CBFA2T3: variants seen among roughly 807,000 people sequenced by gnomAD.
CBFA2T3 encodes the protein CBFA2/RUNX1 partner transcriptional co-repressor 3.
In CBFA2T3, 31 loss-of-function variants were observed where a neutral mutation model predicts 58.6. The observed-to-expected ratio is 0.53, with a 90% CI of 0.40 to 0.71. CBFA2T3 has a LOEUF of 0.71. CBFA2T3 is among the 30% of genes least tolerant of loss of function. CBFA2T3 has a pLI of 0.00. For missense variants in CBFA2T3, 1,076 were observed against 963.1 expected, an observed-to-expected ratio of 1.12 and a Z score of -1.55; for synonymous variants, 531 against 421.9, an observed-to-expected ratio of 1.26 and a Z score of -3.17.
At chr16:88,949,804 A>G (rs1195829153) in intron 1 of CBFA2T3, among the ~76,000 whole-genome samples, 1 of 152,072 alleles carries the variant, frequency 6.6e-6, no homozygotes, top group African/African-American at 2.4e-5. Context: ...TAGGGTCAGG[A>G]GTTCAAGACC....
In CBFA2T3 at chr16:88,911,417, G is replaced by A. The variant is rs1970527030; in HGVS notation, c.152-9761C>T. On this transcript the variant is annotated intron_variant, in intron 1 of 11. Transcript: ENST00000268679. ...CTTGGGTAAGATGCAGTGCCTCTTTGGGTGGGGTCACAGCAAACAAAAAGG... is the reference window on the plus strand; with the variant it reads ...CTTGGGTAAGATGCAGTGCCTCTTTAGGTGGGGTCACAGCAAACAAAAAGG... Among the ~76,000 whole-genome samples the A allele has an allele frequency of 3.9e-5, 6 of 152,340 alleles. No individual in the cohort carries two copies. In the South Asian group the frequency reaches 1.2e-3, roughly 32 times the overall value.
intron 11 of CBFA2T3, among the ~76,000 whole-genome samples, chr16:88,878,655 C>T (rs1269952541): frequency 1.3e-5 from 2 of 152,198 alleles, no homozygotes; most frequent in African/African-American, 2.4e-5. Flanking sequence ...CTAGAGAACA[C>T]GGGTTTCAGG....
At chr16:88,932,926 G>A (rs973831975) in intron 1 of CBFA2T3, among the ~76,000 whole-genome samples, 1 of 150,502 alleles carries the variant, frequency 6.6e-6, no homozygotes, top group Non-Finnish European at 1.5e-5. Flanking sequence ...CTGAGATTGC[G>A]CCACTGCACT....
At position 88,941,167 on chromosome 16, in the gene CBFA2T3, C is replaced by G. The variant is rs1217630295; in HGVS notation, c.151+35490G>C. The G allele has an allele frequency of 5.1e-6, 5 of 982,330 alleles. No homozygotes were observed. In the East Asian group the frequency reaches 5.7e-4, roughly 113 times the overall value. The allele number at this position is 982,330 out of a possible 1,614,324, so 60.9% of individuals were successfully genotyped here. A position where few individuals can be genotyped will look rare whatever the true frequency, so the allele number is the denominator to read the frequency against. ...CTTCTGGCGCCGCACCGGGCTCAGG[C>G]GCGCGGCGGGGCTGGGGCGCGCGGG... On this transcript the variant is annotated intron_variant, in intron 1 of 11. Transcript: ENST00000268679.
At chr16:88,891,301 G>C (rs1048455988) in intron 5 of CBFA2T3, among the ~76,000 whole-genome samples, 7 of 152,146 alleles carry the variant, frequency 4.6e-5, no homozygotes, top group African/African-American at 1.7e-4. Context: ...CTGCTGTCTG[G>C]AAAACCCTGC....
rs113629998 is a variant in CBFA2T3, at chr16:88,975,940, G to C, written c.151+717C>G. Among the ~76,000 whole-genome samples, 204 of 152,380 alleles carry C rather than the reference G, an allele frequency of 1.3e-3. 1 individual carries two copies. Among genetic ancestry groups the C allele is most frequent in the African/African-American group, 4.7e-3 (197 of 41,592 alleles). On this transcript the variant is annotated intron_variant, in intron 1 of 11. Transcript: ENST00000268679. ...CTGTGAGCTCCTGAAGGTTCCGACG[G>C]CTGCTGGGAGTGTGGCCACGAGGGC...
intron 1 of CBFA2T3, among the ~76,000 whole-genome samples, chr16:88,956,431 G>T (rs1388550126): frequency 6.6e-6 from 1 of 152,254 alleles, no homozygotes; most frequent in Non-Finnish European, 1.5e-5. Flanking sequence ...GGATGACCCT[G>T]CTCCCCCAGG....
At chr16:88,899,440 A>T (rs193241517) in intron 2 of CBFA2T3, among the ~76,000 whole-genome samples, 3 of 152,326 alleles carry the variant, frequency 2.0e-5, no homozygotes, top group African/African-American at 7.2e-5. Context: ...GCACCTGCTT[A>T]TCTCTTTCAT....
At chr16:88,941,227 G>C (rs1014177340) in intron 1 of CBFA2T3, 28 of 958,568 alleles carry the variant, frequency 2.9e-5, no homozygotes, top group Non-Finnish European at 3.3e-5. Flanking sequence ...ACTCGGCTCC[G>C]GCCACCCCGC....
chr16:88,905,648 T>C (rs2142664277), intron 1 of CBFA2T3, among the ~76,000 whole-genome samples: 1 of 143,240 alleles, frequency 7.0e-6, no homozygotes, highest in Non-Finnish European at 1.5e-5. Context: ...AGCGCCATGA[T>C]CAGGGCGGGC....
intron 1 of CBFA2T3, among the ~76,000 whole-genome samples, chr16:88,936,427 C>T (rs901509170): frequency 6.6e-6 from 1 of 152,062 alleles, no homozygotes; most frequent in Non-Finnish European, 1.5e-5. Context: ...CGACCCCAGC[C>T]TCAGGGGCAG....
intron 1 of CBFA2T3, among the ~76,000 whole-genome samples, chr16:88,928,014 G>A (rs780143026): frequency 2.6e-5 from 4 of 152,190 alleles, no homozygotes; most frequent in African/African-American, 9.6e-5. Flanking sequence ...AGCGGCTCCC[G>A]GCACCCACCG....
At chr16:88,917,830 G>A (rs984559267) in intron 1 of CBFA2T3, among the ~76,000 whole-genome samples, 12 of 152,210 alleles carry the variant, frequency 7.9e-5, no homozygotes, top group Non-Finnish European at 1.6e-4. Flanking sequence ...GCGTGAAGAC[G>A]AGAGTGTGGG....
intron 2 of CBFA2T3, among the ~76,000 whole-genome samples, chr16:88,900,867 G>T (rs1970069684): frequency 6.6e-6 from 1 of 152,370 alleles, no homozygotes; most frequent in South Asian, 2.1e-4. Flanking sequence ...GCGGCTCTGT[G>T]CGCCAAGCAC....
chr16:88,941,272 CTCCGGCCTCCGCGGCCCGCGCCGGG>C (rs1971719340), intron 1 of CBFA2T3: 1 of 672,112 alleles, frequency 1.5e-6, no homozygotes, highest in Non-Finnish European at 1.8e-6. Flanking sequence ...CCGGGGCGGT[CTCCGGCCTCCGCGGCCCGCGCCGGG>C]TCCAGCCGCC....
chr16:88,973,458 C>T (rs1278797538), intron 1 of CBFA2T3, among the ~76,000 whole-genome samples: 1 of 152,196 alleles, frequency 6.6e-6, no homozygotes, highest in African/African-American at 2.4e-5. Flanking sequence ...ACAGAAGCCT[C>T]TGTTGTTCTG....
intron 1 of CBFA2T3, among the ~76,000 whole-genome samples, chr16:88,914,873 A>G (rs576319095): frequency 6.6e-6 from 1 of 152,300 alleles, no homozygotes; most frequent in South Asian, 2.1e-4. Context: ...ACACAAAGGA[A>G]GCACATTCCT....
intron 1 of CBFA2T3, among the ~76,000 whole-genome samples, chr16:88,925,053 C>T (rs1971040644): frequency 6.6e-6 from 1 of 152,234 alleles, no homozygotes; most frequent in Non-Finnish European, 1.5e-5. Flanking sequence ...CTGCACCAGC[C>T]CAAGGGGGAA....
rs1456095145 is a variant in CBFA2T3 at position 88,875,602 on chromosome 16, T to C, written c.*1374A>G. The C allele has an allele frequency of 1.3e-5, 3 of 232,258 alleles. No individual in the cohort carries two copies. The highest frequency in any genetic ancestry group is 2.5e-5 in the Non-Finnish European group (3 of 117,814). 14.4% of individuals were successfully genotyped at this position (232,258 alleles called of 1,614,324 possible). ...GAGGTTGGAGTTGGGGCGATGGGGC[T>C]GAGAGAGGTCGGAGCTGGGGTGAGG... On this transcript the variant is annotated 3_prime_UTR_variant, in exon 12 of 12. Coordinates refer to ENST00000268679, the MANE Select transcript of CBFA2T3 (RefSeq NM_005187.6).
Sources: gnomAD v4.1 joint callset for allele counts (sites outside exome capture counted in the v4.1 genomes callset) on GRCh38, gnomAD v4.1.1 for gene constraint, MANE v1.5 for transcripts, NCBI Gene and HGNC (gene_info 2026-07-23, HGNC 2026-07-21) for gene names.